EHD1: variants seen among roughly 807,000 people sequenced by gnomAD.
EHD1 encodes the protein EH domain-containing protein 1.
Under a neutral mutation model 39.0 loss-of-function variants are expected in EHD1, and 19 were observed. The ratio of observed to expected loss-of-function variants is 0.49; its 90% CI spans 0.34 to 0.72. The LOEUF (loss-of-function observed/expected upper bound fraction) is 0.72, where lower values mean the gene tolerates loss of function less well. Ranked by LOEUF, EHD1 falls within the 30% of genes least tolerant of loss-of-function variation. EHD1 has a pLI of 0.01. For synonymous variants in EHD1, 323 were observed against 331.2 expected, an observed-to-expected ratio of 0.98 and a Z score of 0.27; for missense variants, 542 against 751.5, an observed-to-expected ratio of 0.72 and a Z score of 3.26.
chr11:64,878,761 C>CT (rs540237747), upstream of EHD1: 109 of 1,284,538 alleles, frequency 8.5e-5, no homozygotes, highest in African/African-American at 1.4e-4. Flanking sequence ...GGTGCCACGT[C>CT]TTCCCCTACC....
intron 1 of EHD1, 61 bp downstream of exon 1, chr11:64,878,000 G>A: frequency 6.9e-7 from 1 of 1,455,766 alleles, no homozygotes. Context: ...GGAGGGTCAG[G>A]CTCCGAGTGA....
chr11:64,868,069 C>A lies in EHD1; in HGVS notation c.502+6352G>T, dbSNP rs886372286. Among the ~76,000 whole-genome samples, 3 of 152,246 alleles carry A rather than the reference C, an allele frequency of 2.0e-5. No individual in the cohort carries two copies. Among genetic ancestry groups the A allele is most frequent in the Admixed American group, 6.5e-5 (1 of 15,288 alleles). On this transcript the variant is annotated intron_variant, in intron 2 of 4. Transcript: ENST00000320631. The surrounding 1 kb of genome is among the most constrained non-coding windows in gnomAD (Gnocchi z 4.2). ...AGGGAGGTTCTCAGGCCTCCCCGCCCTACCCCAGCAGCCTCCAAAACACAG... is the reference window on the plus strand; with the variant it reads ...AGGGAGGTTCTCAGGCCTCCCCGCCATACCCCAGCAGCCTCCAAAACACAG...
Position 64,854,369 on chromosome 11 carries a change from C to G in EHD1, c.1569G>C (p.Pro523=), listed in dbSNP as rs764970881. 1.2e-6 allele frequency: 2 copies of G among 1,612,288 alleles called. No individual in the cohort carries two copies. The highest frequency in any genetic ancestry group is 4.5e-5 in the East Asian group (2 of 44,862). Residue 523 remains proline, a synonymous_variant, in exon 5 of 5, where the codon CCG becomes CCC. Transcript: ENST00000320631. ...EGHELPADLP[P]HLVPPSKRRH... is the part of the protein sequence containing the mutation. ...TGCGCTTGGAGGGCGGCACCAGGTG[C>G]GGGGGCAGGTCGGCGGGCAGCTCGT... is the stretch of plus-strand genomic sequence containing the variant.
At chr11:64,873,966 C>T (rs769096971) in intron 2 of EHD1, among the ~76,000 whole-genome samples, 12 of 151,070 alleles carry the variant, frequency 7.9e-5, no homozygotes, top group African/African-American at 2.9e-4. Context: ...TGTGAGCCAC[C>T]GTGCCCGGCC....
At chr11:64,866,685 A>C (rs1160094722) in intron 2 of EHD1, among the ~76,000 whole-genome samples, 1 of 151,968 alleles carries the variant, frequency 6.6e-6, no homozygotes, top group African/African-American at 2.4e-5. Flanking sequence ...GTCTCCAAAA[A>C]AAAAAAAAGA....
chr11:64,866,005 G>A (rs946200677), intron 2 of EHD1, among the ~76,000 whole-genome samples: 1 of 152,106 alleles, frequency 6.6e-6, no homozygotes, highest in African/African-American at 2.4e-5. Flanking sequence ...TCACATTACT[G>A]GGCATAAACC....
upstream of EHD1, chr11:64,879,578 C>T (rs913560550): frequency 7.1e-6 from 11 of 1,550,752 alleles, no homozygotes; most frequent in African/African-American, 2.7e-5. Flanking sequence ...CATTTACCAT[C>T]ATTTACTGGG....
In EHD1 at chr11:64,860,303, G is replaced by A. The variant is rs1458316923; in HGVS notation, c.536C>T (p.Ala179Val). Residue 179 changes from alanine (A) to valine (V), a missense_variant, in exon 3 of 5, where the codon GCG becomes GTG. Coordinates refer to ENST00000320631, the MANE Select transcript of EHD1 (RefSeq NM_006795.4). ...CAGGATGATGCGGTCCACACGCTCC[G>A]CGAACCACTCCAGGACGGCTGCAAA... ...YDFAAVLEWF[A>V]ERVDRIILLF... 4 of 1,613,700 alleles carry A rather than the reference G, an allele frequency of 2.5e-6. No homozygotes were observed. The highest frequency in any genetic ancestry group is 1.1e-5 in the South Asian group (1 of 91,084).
At chr11:64,854,944 G>A (rs1943632705) in intron 4 of EHD1, 87 bp from the exon 5 acceptor site, 13 of 1,512,856 alleles carry the variant, frequency 8.6e-6, no homozygotes, top group African/African-American at 1.4e-5. Flanking sequence ...GGCTTCACAA[G>A]CATAAAGTGC....
At chr11:64,875,278 TG>T (rs2136502389) in intron 1 of EHD1, among the ~76,000 whole-genome samples, 1 of 152,292 alleles carries the variant, frequency 6.6e-6, no homozygotes, top group South Asian at 2.1e-4. Flanking sequence ...AGGCCAGGCG[TG>T]GTGGCTCACG....
chr11:64,869,317 G>A (rs1338508561), intron 2 of EHD1, among the ~76,000 whole-genome samples: 2 of 152,336 alleles, frequency 1.3e-5, no homozygotes, highest in Admixed American at 6.5e-5. Context: ...CTGGCCTGCT[G>A]GGCCACAGAG....
At chr11:64,858,003 G>C (rs1367096370) in intron 3 of EHD1, among the ~76,000 whole-genome samples, 1 of 151,332 alleles carries the variant, frequency 6.6e-6, no homozygotes, top group Non-Finnish European at 1.5e-5. Flanking sequence ...GGCTGGCCTG[G>C]AGATAGGAGC....
In EHD1 at chr11:64,859,990, C is replaced by T. The variant is rs756319420; in HGVS notation, c.849G>A (p.Gln283=). Residue 283 remains glutamine, a synonymous_variant, in exon 3 of 5, where the codon CAG becomes CAA. Coordinates refer to ENST00000320631, the MANE Select transcript of EHD1 (RefSeq NM_006795.4). Reference sequence around the variant, plus strand: ...TGAGGGCGGCGTTTCGGGGCAGTGACTGGATGTCCTTGAAGAGGTCCTGCT... The same window carrying T: ...TGAGGGCGGCGTTTCGGGGCAGTGATTGGATGTCCTTGAAGAGGTCCTGCT... ...AEEQDLFKDI[Q]SLPRNAALRK... The T allele has an allele frequency of 3.1e-6, 5 of 1,613,974 alleles. No homozygotes were observed. The Admixed American group carries it at 8.3e-5, about 27-fold the overall frequency.
intron 2 of EHD1, among the ~76,000 whole-genome samples, chr11:64,874,161 G>A (rs189366096): frequency 5.3e-4 from 80 of 151,472 alleles, no homozygotes; most frequent in African/African-American, 1.8e-3. Context: ...AAAATTAGCC[G>A]GGCGTGGTGG....
chr11:64,869,163 C>T (rs372280233), intron 2 of EHD1, among the ~76,000 whole-genome samples: 14 of 152,250 alleles, frequency 9.2e-5, no homozygotes, highest in Middle Eastern at 3.2e-3. Context: ...TGTTTGCAGG[C>T]GCTCGGCCAG....
chr11:64,854,138 A>C lies in EHD1; in HGVS notation c.*195T>G. On this transcript the variant is annotated 3_prime_UTR_variant, in exon 5 of 5. Transcript: ENST00000320631. ...AATAGCCACAGTTCTTGTGCACACA[A>C]TTCCATCCTCTCACCCCTGCCTCCC... is the stretch of plus-strand genomic sequence containing the variant. 1 of 933,672 alleles carries C rather than the reference A, an allele frequency of 1.1e-6. No homozygotes were observed. The highest frequency in any genetic ancestry group is 1.6e-6 in the Non-Finnish European group (1 of 642,626). 57.8% of individuals were successfully genotyped at this position (933,672 alleles called of 1,614,324 possible). A position where few individuals can be genotyped will look rare whatever the true frequency, so the allele number is the denominator to read the frequency against.
chr11:64,857,302 C>A (rs772813799), intron 3 of EHD1, among the ~76,000 whole-genome samples: 3 of 152,024 alleles, frequency 2.0e-5, no homozygotes, highest in Non-Finnish European at 4.4e-5. Flanking sequence ...CGGGCGCCTG[C>A]AATCCCAGCT....
rs1943690071 is a variant in EHD1, at chr11:64,859,552, G to A, written c.915+372C>T. ...AAAACAAAAACAAAAAACCCTAGAG[G>A]GAAGCCAACAAGCCTTAGAGCTCTA... On this transcript the variant is annotated intron_variant, in intron 3 of 4. Coordinates refer to ENST00000320631, the MANE Select transcript of EHD1 (RefSeq NM_006795.4). 1.5e-5 allele frequency: 3 copies of A among 194,802 alleles called. No homozygotes were observed. The South Asian group carries it at 4.0e-4, about 26-fold the overall frequency. 12.1% of individuals were successfully genotyped at this position (194,802 alleles called of 1,614,324 possible).
At chr11:64,867,450 G>A (rs549947481) in intron 2 of EHD1, among the ~76,000 whole-genome samples, 1 of 151,702 alleles carries the variant, frequency 6.6e-6, no homozygotes, top group East Asian at 1.9e-4. Flanking sequence ...TAAGCGCGGC[G>A]GCTTATGCCA....
Sources: gnomAD v4.1 joint callset for allele counts (sites outside exome capture counted in the v4.1 genomes callset) on GRCh38, gnomAD v4.1.1 for gene constraint, Gnocchi (gnomAD v3.1) non-coding constraint, MANE v1.5 for transcripts, NCBI Gene and HGNC (gene_info 2026-07-23, HGNC 2026-07-21) for gene names.